Variants in PPP1R14C observed in about 807,000 individuals in gnomAD.
PPP1R14C encodes the protein protein phosphatase 1 regulatory subunit 14C.
In PPP1R14C, 16 loss-of-function variants were observed where a neutral mutation model predicts 20.4. The ratio of observed to expected loss-of-function variants is 0.78; its 90% CI spans 0.53 to 1.19. PPP1R14C has a LOEUF of 1.19. PPP1R14C is among the 50% of genes most tolerant of loss of function. PPP1R14C has a pLI of 0.00. For synonymous variants in PPP1R14C, 91 were observed against 91.0 expected (o/e 1.00, Z 0.00); for missense variants, 211 against 220.1 (o/e 0.96, Z 0.26).
intron 3 of PPP1R14C, among the ~76,000 whole-genome samples, chr6:150,220,658 A>G (rs1778156136): frequency 6.6e-6 from 1 of 152,228 alleles, no homozygotes; most frequent in Non-Finnish European, 1.5e-5. Flanking sequence ...GAAGAAATTC[A>G]TGCTTTGGTT....
At position 150,187,631 on chromosome 6, in the gene PPP1R14C, C is replaced by T. The variant is rs1308561073; in HGVS notation, c.307-27113C>T. ...TTTCTGCAGAGGACATGATCTCTTT[C>T]TTTTTATGGCTGCGTAGTATTCTAT... On this transcript the variant is annotated intron_variant, in intron 1 of 3. Coordinates refer to ENST00000361131, the MANE Select transcript of PPP1R14C (RefSeq NM_030949.3). Among the ~76,000 whole-genome samples the T allele has an allele frequency of 2.0e-5, 3 of 152,298 alleles. 1 individual carries two copies. The highest frequency in any genetic ancestry group is 7.2e-5 in the African/African-American group (3 of 41,572).
intron 1 of PPP1R14C, among the ~76,000 whole-genome samples, chr6:150,204,903 C>T (rs1403752706): frequency 6.6e-6 from 1 of 152,016 alleles, no homozygotes. Flanking sequence ...CACCAGACTC[C>T]CTAGGGTCCT....
chr6:150,167,993 C>CTCTCCTCCCCCTTT (rs1777448407), intron 1 of PPP1R14C, among the ~76,000 whole-genome samples: 1 of 1,024 alleles, frequency 9.8e-4, no homozygotes, highest in African/African-American at 3.3e-3. Context: ...CTCCCCTCTT[C>CTCTCCTCCCCCTTT]CTCTCCCCCT....
Position 150,152,411 on chromosome 6 carries a change from C to T in PPP1R14C, c.306+8913C>T, listed in dbSNP as rs965848320. On this transcript the variant is annotated intron_variant, in intron 1 of 3. Coordinates refer to ENST00000361131, the MANE Select transcript of PPP1R14C (RefSeq NM_030949.3). ...CTAAAATCCAGGTGGGATCTTGTTC[C>T]GCACAGCCTTCAGGATAAAGCAGGA... Among the ~76,000 whole-genome samples, 155 of 152,242 alleles carry T rather than the reference C, an allele frequency of 1.0e-3. 1 individual carries two copies. The highest frequency in any genetic ancestry group is 5.8e-4 in the East Asian group (3 of 5,150).
At chr6:150,196,032 T>A in intron 1 of PPP1R14C, 2 of 985,444 alleles carry the variant, frequency 2.0e-6, no homozygotes, top group Middle Eastern at 5.2e-4. Flanking sequence ...GGACTGGGAT[T>A]CTCCTCTCTT....
At chr6:150,218,722 C>T (rs773549280) in intron 3 of PPP1R14C, among the ~76,000 whole-genome samples, 1 of 152,094 alleles carries the variant, frequency 6.6e-6, no homozygotes, top group Non-Finnish European at 1.5e-5. Context: ...AATCATAACT[C>T]CCTGCAGCCT....
At chr6:150,207,092 A>G (rs573082234) in intron 1 of PPP1R14C, among the ~76,000 whole-genome samples, 1 of 152,136 alleles carries the variant, frequency 6.6e-6, no homozygotes, top group Admixed American at 6.5e-5. Flanking sequence ...CTTGAGCTCC[A>G]GACCTCATGA....
chr6:150,217,744 T>C (rs527870448), intron 3 of PPP1R14C, among the ~76,000 whole-genome samples: 1 of 152,318 alleles, frequency 6.6e-6, no homozygotes, highest in African/African-American at 2.4e-5. Flanking sequence ...TTTCTTCCTC[T>C]GATAAATTGG....
chr6:150,248,619 G>A (rs1051218110), intron 3 of PPP1R14C, 127 bp from the exon 4 acceptor site: 13 of 616,636 alleles, frequency 2.1e-5, no homozygotes, highest in Admixed American at 5.0e-5. Flanking sequence ...TACCAGTGGG[G>A]GTTAACACAT....
intron 3 of PPP1R14C, among the ~76,000 whole-genome samples, chr6:150,237,347 G>A (rs745406464): frequency 3.9e-5 from 6 of 152,120 alleles, no homozygotes; most frequent in African/African-American, 9.7e-5. Flanking sequence ...GGGATTACAG[G>A]CATGTGCCAC....
chr6:150,228,822 C>CAAT (rs1049643585), intron 3 of PPP1R14C, among the ~76,000 whole-genome samples: 3 of 151,998 alleles, frequency 2.0e-5, no homozygotes, highest in Admixed American at 1.3e-4. Context: ...GTGATGATAA[C>CAAT]AATAATAATA....
chr6:150,161,276 T>TAA (rs58569771), intron 1 of PPP1R14C, among the ~76,000 whole-genome samples: 111 of 148,750 alleles, frequency 7.5e-4, no homozygotes, highest in Admixed American at 1.0e-3. Context: ...CAAGACTGTT[T>TAA]AAAAAAAAAA....
At chr6:150,233,156 GA>G (rs1778313232) in intron 3 of PPP1R14C, among the ~76,000 whole-genome samples, 1 of 152,208 alleles carries the variant, frequency 6.6e-6, no homozygotes. Context: ...TGGTAAAAGA[GA>G]GTGCCCCAAG....
chr6:150,153,651 C>T (rs1582894802), intron 1 of PPP1R14C, among the ~76,000 whole-genome samples: 1 of 152,158 alleles, frequency 6.6e-6, no homozygotes, highest in East Asian at 1.9e-4. Context: ...AGGTTGGGGC[C>T]AATACATTCT....
chr6:150,184,954 T>C (rs1777661116), intron 1 of PPP1R14C, among the ~76,000 whole-genome samples: 1 of 152,218 alleles, frequency 6.6e-6, no homozygotes, highest in Non-Finnish European at 1.5e-5. Flanking sequence ...GGCAGTGGGA[T>C]TGACTAATTC....
chr6:150,211,704 T>A (rs1778026255), intron 1 of PPP1R14C, among the ~76,000 whole-genome samples: 1 of 152,250 alleles, frequency 6.6e-6, no homozygotes, highest in African/African-American at 2.4e-5. Context: ...AGGTGCTGTC[T>A]TTGCTTCCCA....
chr6:150,212,951 G>A (rs990710928), intron 1 of PPP1R14C, among the ~76,000 whole-genome samples: 3 of 152,170 alleles, frequency 2.0e-5, no homozygotes, highest in African/African-American at 7.2e-5. Flanking sequence ...CCTAGCCATC[G>A]AAAGGTCATC....
chr6:150,143,595 C>T lies in PPP1R14C; in HGVS notation c.306+97C>T. On this transcript the variant is annotated intron_variant, in intron 1 of 3. Transcript: ENST00000361131. The surrounding 1 kb of genome is among the most constrained non-coding windows in gnomAD (Gnocchi z 5.6). Reference sequence around the variant, plus strand: ...GGCTCCAGCTCCGGGGCGCGCATGTCCCTGACTCCCGGGGACCAAGTGCCA... The same window carrying T: ...GGCTCCAGCTCCGGGGCGCGCATGTTCCTGACTCCCGGGGACCAAGTGCCA... The T allele has an allele frequency of 3.4e-6, 3 of 885,332 alleles. No individual in the cohort carries two copies. Among genetic ancestry groups the T allele is most frequent in the African/African-American group, 1.8e-5 (1 of 55,978 alleles). 54.8% of individuals were successfully genotyped at this position (885,332 alleles called of 1,614,324 possible).
chr6:150,158,212 A>G (rs1455277694), intron 1 of PPP1R14C, among the ~76,000 whole-genome samples: 1 of 152,126 alleles, frequency 6.6e-6, no homozygotes, highest in Non-Finnish European at 1.5e-5. Flanking sequence ...AGCAACATCT[A>G]CTATGCTTTT....
Sources: gnomAD v4.1 joint callset for allele counts (sites outside exome capture counted in the v4.1 genomes callset) on GRCh38, gnomAD v4.1.1 for gene constraint, Gnocchi (gnomAD v3.1) non-coding constraint, MANE v1.5 for transcripts, NCBI Gene and HGNC (gene_info 2026-07-23, HGNC 2026-07-21) for gene names.